Variants in RAB3C observed in about 807,000 individuals in gnomAD.
RAB3C encodes RAB3C, member RAS oncogene family.
A neutral mutation model predicts 26.4 loss-of-function variants in RAB3C; 17 were observed. The observed-to-expected ratio is 0.64, with a 90% CI of 0.44 to 0.97. The LOEUF is 0.97. Among genes scored for constraint, RAB3C ranks in the 50% least tolerant of loss-of-function variants. RAB3C has a pLI of 0.00. For synonymous variants in RAB3C, 91 were observed against 95.9 expected (o/e 0.95, Z 0.30); for missense variants, 242 against 281.9 (o/e 0.86, Z 1.01).
chr5:58,676,768 G>C (rs1254807761), intron 2 of RAB3C, among the ~76,000 whole-genome samples: 2 of 152,010 alleles, frequency 1.3e-5, no homozygotes, highest in Non-Finnish European at 2.9e-5. Context: ...GTTTCATTTT[G>C]TTTGTTTTGT....
At chr5:58,633,781 T>C (rs1747233618) in intron 2 of RAB3C, among the ~76,000 whole-genome samples, 1 of 152,110 alleles carries the variant, frequency 6.6e-6, no homozygotes, top group Non-Finnish European at 1.5e-5. Flanking sequence ...ATGGGTATAG[T>C]AATATCTAAC....
intron 1 of RAB3C, among the ~76,000 whole-genome samples, chr5:58,601,971 T>C (rs1453779045): frequency 6.6e-6 from 1 of 152,160 alleles, no homozygotes; most frequent in African/African-American, 2.4e-5. Context: ...TCAGACTTTC[T>C]GATGTGGGTG....
chr5:58,703,724 A>G (rs1358648065), intron 2 of RAB3C, among the ~76,000 whole-genome samples: 1 of 152,120 alleles, frequency 6.6e-6, no homozygotes, highest in Non-Finnish European at 1.5e-5. Flanking sequence ...CCTACTGAAT[A>G]TGTCTTTAAT....
chr5:58,682,410 C>T (rs754182374), intron 2 of RAB3C, among the ~76,000 whole-genome samples: 2 of 152,068 alleles, frequency 1.3e-5, no homozygotes, highest in African/African-American at 4.8e-5. Context: ...TTTGGCTGGG[C>T]GTGGTGGCTC....
intron 2 of RAB3C, among the ~76,000 whole-genome samples, chr5:58,683,557 G>T (rs772280724): frequency 1.3e-5 from 2 of 152,116 alleles, no homozygotes; most frequent in Non-Finnish European, 2.9e-5. Context: ...AAACACAAAT[G>T]TATAGTTGTT....
At chr5:58,623,946 G>A (rs1746995365) in intron 2 of RAB3C, among the ~76,000 whole-genome samples, 1 of 152,004 alleles carries the variant, frequency 6.6e-6, no homozygotes, top group African/African-American at 2.4e-5. Flanking sequence ...TGTAGTGGGG[G>A]GAAATAACAC....
chr5:58,692,057 A>G (rs564142861), intron 2 of RAB3C, among the ~76,000 whole-genome samples: 19 of 152,324 alleles, frequency 1.2e-4, no homozygotes, highest in African/African-American at 4.6e-4. Flanking sequence ...CTGCTGTACA[A>G]TGGTTCTTTT....
intron 2 of RAB3C, among the ~76,000 whole-genome samples, chr5:58,688,592 T>C (rs547843312): frequency 6.6e-6 from 1 of 152,126 alleles, no homozygotes; most frequent in Non-Finnish European, 1.5e-5. Context: ...CCTAAGAACA[T>C]GTCAATTCTA....
At chr5:58,734,454 C>T (rs1191297223) in intron 3 of RAB3C, among the ~76,000 whole-genome samples, 4 of 152,100 alleles carry the variant, frequency 2.6e-5, no homozygotes, top group African/African-American at 9.7e-5. Flanking sequence ...ACTCTCACCA[C>T]CACCCTACAC....
intron 3 of RAB3C, among the ~76,000 whole-genome samples, chr5:58,727,175 A>C (rs1025970802): frequency 2.6e-5 from 4 of 151,966 alleles, no homozygotes; most frequent in African/African-American, 9.7e-5. Context: ...TTTTACATAT[A>C]TATCAGTTCA....
At chr5:58,664,671 A>T (rs1747969056) in intron 2 of RAB3C, among the ~76,000 whole-genome samples, 1 of 152,148 alleles carries the variant, frequency 6.6e-6, no homozygotes, top group Non-Finnish European at 1.5e-5. Context: ...ATCATTTCTT[A>T]AAACTGCATG....
intron 2 of RAB3C, among the ~76,000 whole-genome samples, chr5:58,723,059 C>T (rs1473789057): frequency 1.3e-5 from 2 of 151,500 alleles, no homozygotes; most frequent in African/African-American, 4.8e-5. Flanking sequence ...TTCTTAGCAC[C>T]GTTTTACATA....
intron 2 of RAB3C, among the ~76,000 whole-genome samples, chr5:58,656,585 A>G (rs1466557276): frequency 6.6e-6 from 1 of 152,246 alleles, no homozygotes; most frequent in African/African-American, 2.4e-5. Context: ...AGTTTTTAAT[A>G]TCTCGCCTCA....
intron 3 of RAB3C, among the ~76,000 whole-genome samples, chr5:58,765,976 G>A (rs899462490): frequency 9.9e-5 from 15 of 152,042 alleles, no homozygotes; most frequent in Admixed American, 3.3e-4. Flanking sequence ...CTCCGGCCAC[G>A]TAAGATGTGC....
chr5:58,667,479 G>T (rs1270828341), intron 2 of RAB3C, among the ~76,000 whole-genome samples: 2 of 152,154 alleles, frequency 1.3e-5, no homozygotes, highest in Non-Finnish European at 2.9e-5. Flanking sequence ...GATGGAGGGA[G>T]CCTGGGACTT....
chr5:58,631,203 C>T (rs758912070), intron 2 of RAB3C, among the ~76,000 whole-genome samples: 6 of 152,198 alleles, frequency 3.9e-5, no homozygotes, highest in Non-Finnish European at 8.8e-5. Flanking sequence ...ATCTGGCTCA[C>T]TGGAGCAACA....
intron 2 of RAB3C, among the ~76,000 whole-genome samples, chr5:58,707,310 C>A (rs1253703059): frequency 6.6e-6 from 1 of 152,082 alleles, no homozygotes; most frequent in Non-Finnish European, 1.5e-5. Flanking sequence ...AAACCCAAAT[C>A]ATGAACATGA....
At position 58,675,113 on chromosome 5, in the gene RAB3C, C is replaced by T. The variant is rs547464211; in HGVS notation, c.253-50889C>T. The stretch of plus-strand genomic sequence containing the variant: ...TCCTAAGTACTTTTCTCATGCTCCC[C>T]GCAGGCAAGATTTGCTGCAAGCACA... On this transcript the variant is annotated intron_variant, in intron 2 of 4. Transcript: ENST00000282878. 2.2e-4 allele frequency among the ~76,000 whole-genome samples: 34 copies of T among 152,128 alleles called. 1 individual carries two copies. In the South Asian group the frequency reaches 6.4e-3, roughly 29 times the overall value.
intron 1 of RAB3C, among the ~76,000 whole-genome samples, chr5:58,598,469 C>T (rs909066398): frequency 2.0e-5 from 3 of 151,902 alleles, no homozygotes; most frequent in African/African-American, 7.3e-5. Flanking sequence ...GGATTCTTCC[C>T]CTTATTAGTC....
Sources: allele counts gnomAD v4.1 joint callset (sites outside exome capture counted in the v4.1 genomes callset), GRCh38; gene constraint gnomAD v4.1.1; transcripts MANE v1.5; gene names NCBI Gene and HGNC (gene_info 2026-07-23, HGNC 2026-07-21).